The following UTP25 variants were observed in gnomAD, a reference collection of about 807,000 sequenced individuals.
UTP25 encodes UTP25 small subunit processome component.
A neutral mutation model predicts 78.9 loss-of-function variants in UTP25; 50 were observed. The ratio of observed to expected loss-of-function variants is 0.63; its 90% confidence interval spans 0.50 to 0.80. The LOEUF is 0.80. Ranked by LOEUF, UTP25 falls within the 30% of genes least tolerant of loss-of-function variation. The pLI, the probability that UTP25 is intolerant of heterozygous loss-of-function variation, is 0.00. For missense variants in UTP25, 846 were observed against 911.3 expected, an observed-to-expected ratio of 0.93 and a Z score of 0.92; for synonymous variants, 329 against 336.5, an observed-to-expected ratio of 0.98 and a Z score of 0.24.
intron 11 of UTP25, among the ~76,000 whole-genome samples, chr1:209,848,832 G>C (rs1298705322): frequency 1.3e-5 from 2 of 152,200 alleles, no homozygotes; most frequent in Admixed American, 1.3e-4. Flanking sequence ...TGTAGAGGCT[G>C]AAGTAAATAA....
Position 209,856,499 on chromosome 1 carries a change from G to A in UTP25, c.*5052G>A, listed in dbSNP as rs966224041. The A allele has an allele frequency of 2.0e-5, 3 of 152,254 alleles. No individual in the cohort carries two copies. The highest frequency in any genetic ancestry group is 4.4e-5 in the Non-Finnish European group (3 of 68,062). 9.4% of individuals were successfully genotyped at this position (152,254 alleles called of 1,614,324 possible). On this transcript the variant is annotated 3_prime_UTR_variant, in exon 12 of 12. Transcript: ENST00000491415. ...CCTGAGGCTATAAGCTCTGTACGTA[G>A]GAGAGTGGTGAAGAAAGGAGCTTGG...
intron 11 of UTP25, among the ~76,000 whole-genome samples, chr1:209,846,132 C>T (rs1169385095): frequency 1.3e-5 from 2 of 152,084 alleles, no homozygotes; most frequent in Non-Finnish European, 2.9e-5. Context: ...GTTGGGGTTA[C>T]AGGCATGAGC....
chr1:209,838,996 A>G lies in UTP25; in HGVS notation c.1150A>G (p.Ile384Val). Residue 384 changes from isoleucine to valine, a missense_variant, in exon 7 of 12, where the codon ATC becomes GTC. Transcript: ENST00000491415. ...SLLEGDSKKK[I>V]IVSNKKRFQG... ...CCTCGAGGGTGACAGCAAGAAGAAA[A>G]TCATTGTGAGCAACAAAAAGAGGTT... 6.2e-7 allele frequency: 1 copy of G among 1,614,126 alleles called. No individual in the cohort carries two copies.
chr1:209,841,292 C>G (rs2078165832), intron 8 of UTP25, among the ~76,000 whole-genome samples: 2 of 152,188 alleles, frequency 1.3e-5, no homozygotes, highest in South Asian at 4.1e-4. Flanking sequence ...TTTCAAATCT[C>G]CAGAAAAGAT....
At chr1:209,828,206 G>C (rs891243787) in intron 1 of UTP25, 36 bp downstream of exon 1, 1 of 1,527,656 alleles carries the variant, frequency 6.5e-7, no homozygotes, top group Non-Finnish European at 9.1e-7. Flanking sequence ...CCAGTCGCCA[G>C]AGATGTATCC....
rs749391257 is a variant in UTP25, at chr1:209,851,262, T to G, written c.2086T>G (p.Phe696Val). Residue 696 changes from phenylalanine to valine, a missense_variant, in exon 12 of 12, where the codon TTT (phenylalanine) becomes GTT (valine). Phe to Val is a conservative substitution (Grantham distance 50). Coordinates refer to ENST00000491415, the MANE Select transcript of UTP25 (RefSeq NM_014388.7). ...CTATGAACTGCCGACATATCCACAC[T>G]TTTACAGTGAAATCTGTAATATGCT... is the stretch of plus-strand genomic sequence containing the variant. ...IFYELPTYPH[F>V]YSEICNMLRA... 6.8e-6 allele frequency: 11 copies of G among 1,614,048 alleles called. No homozygotes were observed. The highest frequency in any genetic ancestry group is 8.5e-6 in the Non-Finnish European group (10 of 1,180,028).
chr1:209,837,032 C>A lies in UTP25; in HGVS notation c.883C>A (p.Pro295Thr). Residue 295 changes from proline to threonine, a missense_variant, in exon 6 of 12, where the codon CCG becomes ACG. By Grantham distance (38) the Pro-to-Thr change is conservative. Coordinates refer to ENST00000491415, the MANE Select transcript of UTP25 (RefSeq NM_014388.7). ...IMNSYRDLFY[P>T]ERTALKNGEE... is the part of the protein sequence containing the mutation. ...GAATTCTTACCGGGACCTGTTCTAC[C>A]CGGAAAGGACTGCTCTGAAGAACGG... is the stretch of plus-strand genomic sequence containing the variant. 1 of 1,614,144 alleles carries A rather than the reference C, an allele frequency of 6.2e-7. No homozygotes were observed. The highest frequency in any genetic ancestry group is 1.3e-5 in the African/African-American group (1 of 75,030).
rs2078274973 is a variant in UTP25, at chr1:209,856,242, T to TA, written c.*4796dup. On this transcript the variant is annotated 3_prime_UTR_variant, in exon 12 of 12. Coordinates refer to ENST00000491415, the MANE Select transcript of UTP25 (RefSeq NM_014388.7). The stretch of plus-strand genomic sequence containing the variant: ...TGCTATTGTTTGCCCTATATCCACC[T>TA]ACTTCCCTAGTTCCAGAACGCTGGA... 6.6e-6 allele frequency: 1 copy of TA among 152,232 alleles called. No homozygotes were observed. The allele number at this position is 152,232 out of a possible 1,614,324, so 9.4% of individuals were successfully genotyped here.
At position 209,846,044 on chromosome 1, in the gene UTP25, G is replaced by A. The variant is rs180908828; in HGVS notation, c.2027+2348G>A. Reference sequence around the variant, plus strand: ...GCTGATTTTTGTATTTTTAGTAGACGAGGTTTTGCCATGTTGGCCAGGCTG... The same window carrying A: ...GCTGATTTTTGTATTTTTAGTAGACAAGGTTTTGCCATGTTGGCCAGGCTG... On this transcript the variant is annotated intron_variant, in intron 11 of 11. Transcript: ENST00000491415. Among the ~76,000 whole-genome samples the A allele has an allele frequency of 1.5e-4, 23 of 151,886 alleles. No individual in the cohort carries two copies. In the East Asian group the frequency reaches 4.1e-3, roughly 27 times the overall value.
Position 209,843,524 on chromosome 1 carries a change from C to T in UTP25, c.1855C>T (p.Pro619Ser), listed in dbSNP as rs1294403586. Reference sequence around the variant, plus strand: ...CATGTCTCACACGCTCATCTATATCCCCTCCTACTTTGACTTCGTGCGTCT... The same window carrying T: ...CATGTCTCACACGCTCATCTATATCTCCTCCTACTTTGACTTCGTGCGTCT... ...AVMSHTLIYI[P>S]SYFDFVRLRN... is the part of the protein sequence containing the mutation. Residue 619 changes from proline to serine, a missense_variant, in exon 11 of 12, where the codon CCC becomes TCC. Coordinates refer to ENST00000491415, the MANE Select transcript of UTP25 (RefSeq NM_014388.7). 1 of 1,614,148 alleles carries T rather than the reference C, an allele frequency of 6.2e-7. No homozygotes were observed. Among genetic ancestry groups the T allele is most frequent in the East Asian group, 2.2e-5 (1 of 44,880 alleles).
In UTP25 at chr1:209,842,642, A is replaced by G. The variant is rs552022692; in HGVS notation, c.1728A>G (p.Pro576=). ...GSISHVLVQL[P]HVFQRMEAEN... is the part of the protein sequence containing the mutation. ...TCAGTCATGTCCTGGTGCAGCTCCC[A>G]CATGTCTTCCAGAGGATGGAAGCTG... The change falls in exon 10 of 12, where the codon CCA becomes CCG. Residue 576 remains proline, a synonymous_variant. Transcript: ENST00000491415. 2 of 1,613,862 alleles carry G rather than the reference A, an allele frequency of 1.2e-6. No homozygotes were observed. Among genetic ancestry groups the G allele is most frequent in the South Asian group, 1.1e-5 (1 of 90,962 alleles).
chr1:209,842,510 G>C, intron 9 of UTP25, 63 bp downstream of exon 9: 1 of 1,611,792 alleles, frequency 6.2e-7, no homozygotes, highest in Admixed American at 1.7e-5. Flanking sequence ...GGGTCCTGAG[G>C]TAGAAGGAGG....
chr1:209,840,279 G>A (rs548247687), intron 7 of UTP25, among the ~76,000 whole-genome samples: 3 of 152,334 alleles, frequency 2.0e-5, no homozygotes, highest in Admixed American at 1.3e-4. Flanking sequence ...TATGCAGCAC[G>A]AGAGCAGAGC....
At position 209,855,535 on chromosome 1, in the gene UTP25, GTTTGC is replaced by G. The variant is rs1419331953; in HGVS notation, c.*4094_*4098del. ...AGGTATGTGACTGCCATAAGGAGCT[GTTTGC>G]TTTGCACAGAGAAATCTAATCTTTC... On this transcript the variant is annotated 3_prime_UTR_variant, in exon 12 of 12. Transcript: ENST00000491415. 1 of 152,292 alleles carries G rather than the reference GTTTGC, an allele frequency of 6.6e-6. No homozygotes were observed. Among genetic ancestry groups the G allele is most frequent in the African/African-American group, 2.4e-5 (1 of 41,464 alleles). The allele number at this position is 152,292 out of a possible 1,614,324, so 9.4% of individuals were successfully genotyped here.
chr1:209,834,997 A>G, intron 4 of UTP25, 78 bp from the exon 5 acceptor site: 1 of 1,121,350 alleles, frequency 8.9e-7, no homozygotes. Flanking sequence ...ATGAAGATCA[A>G]CATGTCTTTC....
In UTP25 at chr1:209,842,454, T is replaced by G. The variant is rs1203584132; in HGVS notation, c.1668+7T>G. 2 of 1,614,016 alleles carry G rather than the reference T, an allele frequency of 1.2e-6. No individual in the cohort carries two copies. Among genetic ancestry groups the G allele is most frequent in the African/African-American group, 2.7e-5 (2 of 74,922 alleles). On this transcript the variant is annotated splice_region_variant and intron_variant, in intron 9 of 11. Transcript: ENST00000491415. ...TGTCAACATGCAAGGCCAGGTGGGT[T>G]CTCGTCTTGTTTCCTCAGTATCTTC... is the stretch of plus-strand genomic sequence containing the variant.
In UTP25 at chr1:209,840,794, G is replaced by A; in HGVS notation, c.1283-59G>A. 4 of 1,545,518 alleles carry A rather than the reference G, an allele frequency of 2.6e-6. No individual in the cohort carries two copies. In the Admixed American group the frequency reaches 5.0e-5, roughly 19 times the overall value. ...AAGTGGTGGACTGCTTTGAGAGGGT[G>A]GAAGGTAATGGCTTGGTAGTGACTA... On this transcript the variant is annotated intron_variant, in intron 7 of 11. Transcript: ENST00000491415.
rs2078265902 is a variant in UTP25, at chr1:209,855,089, T to G, written c.*3642T>G. 1 of 152,170 alleles carries G rather than the reference T, an allele frequency of 6.6e-6. No homozygotes were observed. Among genetic ancestry groups the G allele is most frequent in the Non-Finnish European group, 1.5e-5 (1 of 68,022 alleles). 9.4% of individuals were successfully genotyped at this position (152,170 alleles called of 1,614,324 possible). A position where few individuals can be genotyped will look rare whatever the true frequency, so the allele number is the denominator to read the frequency against. ...GAGTAAATACACAGATAATCCAAAA[T>G]TGATGTAAGCATTGGAAGGGGAAAG... On this transcript the variant is annotated 3_prime_UTR_variant, in exon 12 of 12. Coordinates refer to ENST00000491415, the MANE Select transcript of UTP25 (RefSeq NM_014388.7).
At chr1:209,828,205 A>G (rs768825951) in intron 1 of UTP25, 35 bp downstream of exon 1, 13 of 1,532,008 alleles carry the variant, frequency 8.5e-6, no homozygotes, top group Non-Finnish European at 1.1e-5. Context: ...CCCAGTCGCC[A>G]GAGATGTATC....
Sources: gnomAD v4.1 joint callset for allele counts (sites outside exome capture counted in the v4.1 genomes callset) on GRCh38, gnomAD v4.1.1 for gene constraint, MANE v1.5 for transcripts, NCBI Gene and HGNC (gene_info 2026-07-23, HGNC 2026-07-21) for gene names.